Variants in MACROD2 observed in about 807,000 individuals in gnomAD.
The protein encoded by MACROD2 is ADP-ribose glycohydrolase MACROD2.
MACROD2 carries 36 observed loss-of-function variants against 70.4 expected under a neutral mutation model. That is an observed-to-expected ratio of 0.51 (90% confidence interval 0.39 to 0.68). The LOEUF (loss-of-function observed/expected upper bound fraction) is 0.68. MACROD2 is among the 30% of genes least tolerant of loss of function. The pLI, the probability that MACROD2 is intolerant of heterozygous loss-of-function variation, is 0.00. For synonymous variants in MACROD2, 172 were observed against 178.8 expected (o/e 0.96, Z 0.30); for missense variants, 496 against 538.4 (o/e 0.92, Z 0.78).
intron 8 of MACROD2, among the ~76,000 whole-genome samples, chr20:15,700,028 T>G (rs2050434194): frequency 6.6e-6 from 1 of 152,064 alleles, no homozygotes; most frequent in Non-Finnish European, 1.5e-5. Context: ...ACCTTCAGCT[T>G]CTCCAGTGGG....
rs115522814 is a variant in MACROD2, at chr20:14,307,992, G to A, written c.272-185487G>A. Reference sequence around the variant, plus strand: ...CAATTAAGGCATAAAAATTGTGAGTGTTACATATAGCTGTTCCAACTATAA... The same window carrying A: ...CAATTAAGGCATAAAAATTGTGAGTATTACATATAGCTGTTCCAACTATAA... On this transcript the variant is annotated intron_variant, in intron 3 of 17. Coordinates refer to ENST00000684519, the MANE Select transcript of MACROD2 (RefSeq NM_001351661.2). 4.7e-3 allele frequency among the ~76,000 whole-genome samples: 717 copies of A among 152,226 alleles called. 9 individuals carry two copies. The highest frequency in any genetic ancestry group is 0.016 in the African/African-American group (680 of 41,544).
At chr20:14,909,122 C>T (rs925902065) in intron 5 of MACROD2, among the ~76,000 whole-genome samples, 2 of 152,154 alleles carry the variant, frequency 1.3e-5, no homozygotes, top group Non-Finnish European at 1.5e-5. Context: ...GGTGAAAGAG[C>T]GTAAATTAAG....
At chr20:15,852,580 C>T (rs926972424) in intron 8 of MACROD2, among the ~76,000 whole-genome samples, 2 of 152,102 alleles carry the variant, frequency 1.3e-5, no homozygotes, top group African/African-American at 2.4e-5. Context: ...AATACTTTCA[C>T]GAAGAAGAAC....
chr20:14,532,280 G>T lies in MACROD2; in HGVS notation c.301+38772G>T, dbSNP rs187889586. 2.0e-5 allele frequency among the ~76,000 whole-genome samples: 3 copies of T among 148,020 alleles called. No individual in the cohort carries two copies. The East Asian group carries it at 6.0e-4, about 29-fold the overall frequency. On this transcript the variant is annotated intron_variant, in intron 4 of 17. Transcript: ENST00000684519. ...GTCACCCAGGCTGGAGTGCAATGGCGCAATCTCGGCTCACTGCAACCTCCG... is the reference window on the plus strand; with the variant it reads ...GTCACCCAGGCTGGAGTGCAATGGCTCAATCTCGGCTCACTGCAACCTCCG...
intron 3 of MACROD2, among the ~76,000 whole-genome samples, chr20:14,456,813 T>G (rs1342745209): frequency 7.1e-6 from 1 of 141,764 alleles, no homozygotes; most frequent in Non-Finnish European, 1.5e-5. Flanking sequence ...GCCTCCCGGG[T>G]TCACGCCATT....
intron 9 of MACROD2, 36 bp from the exon 10 acceptor site, chr20:15,885,728 A>G (rs975373445): frequency 3.7e-5 from 53 of 1,446,334 alleles, no homozygotes; most frequent in Non-Finnish European, 4.3e-5. Flanking sequence ...CCACTTTCAT[A>G]TAAGTATTTC....
intron 7 of MACROD2, among the ~76,000 whole-genome samples, chr20:15,434,781 A>G (rs2046407472): frequency 1.3e-5 from 2 of 152,198 alleles, no homozygotes; most frequent in Admixed American, 1.3e-4. Flanking sequence ...ATGCCCATCA[A>G]CCAATGAGTA....
intron 8 of MACROD2, among the ~76,000 whole-genome samples, chr20:15,772,101 AATATATATATAT>A (rs201468504): frequency 4.4e-5 from 4 of 91,442 alleles, no homozygotes; most frequent in South Asian, 4.0e-4. Flanking sequence ...AAAAAAAAAA[AATATATATATAT>A]ATATATATAT....
intron 8 of MACROD2, among the ~76,000 whole-genome samples, chr20:15,568,349 A>G (rs1394231982): frequency 6.6e-6 from 1 of 152,198 alleles, no homozygotes; most frequent in Non-Finnish European, 1.5e-5. Flanking sequence ...TGCATTAGTC[A>G]GTGTAGGCTA....
chr20:14,916,425 C>T (rs1468959497), intron 5 of MACROD2, among the ~76,000 whole-genome samples: 3 of 152,184 alleles, frequency 2.0e-5, no homozygotes, highest in African/African-American at 7.2e-5. Flanking sequence ...AATCCAGGCT[C>T]TGCCAGTTAC....
intron 6 of MACROD2, among the ~76,000 whole-genome samples, chr20:15,293,520 T>C (rs1436723487): frequency 6.6e-6 from 1 of 152,194 alleles, no homozygotes; most frequent in Non-Finnish European, 1.5e-5. Context: ...AAAAAGAACA[T>C]GTTGAAGCTT....
intron 6 of MACROD2, among the ~76,000 whole-genome samples, chr20:15,290,092 A>C (rs1221567444): frequency 6.6e-6 from 1 of 152,216 alleles, no homozygotes; most frequent in Non-Finnish European, 1.5e-5. Flanking sequence ...TATTATGAGA[A>C]TGAAATGAAA....
At chr20:15,814,545 T>G (rs1450181233) in intron 8 of MACROD2, among the ~76,000 whole-genome samples, 1 of 152,178 alleles carries the variant, frequency 6.6e-6, no homozygotes, top group Non-Finnish European at 1.5e-5. Context: ...CACCACTCTT[T>G]CCATGCTCCC....
intron 3 of MACROD2, among the ~76,000 whole-genome samples, chr20:14,148,366 C>T (rs530423909): frequency 1.3e-5 from 2 of 152,214 alleles, no homozygotes; most frequent in African/African-American, 4.8e-5. Context: ...TGATATCTTA[C>T]CATATTTAAT....
chr20:15,681,855 A>T (rs2050163802), intron 8 of MACROD2, among the ~76,000 whole-genome samples: 1 of 152,192 alleles, frequency 6.6e-6, no homozygotes, highest in South Asian at 2.1e-4. Flanking sequence ...CTTTTCTATT[A>T]CTAGAGATCG....
intron 3 of MACROD2, among the ~76,000 whole-genome samples, chr20:14,396,150 G>A (rs2083577583): frequency 6.6e-6 from 1 of 152,182 alleles, no homozygotes; most frequent in South Asian, 2.1e-4. Flanking sequence ...GGTCCATGGT[G>A]TTGTTTGTCT....
At chr20:15,779,748 A>C (rs961374081) in intron 8 of MACROD2, among the ~76,000 whole-genome samples, 1 of 152,166 alleles carries the variant, frequency 6.6e-6, no homozygotes, top group South Asian at 2.1e-4. Context: ...CCTTTCTGCC[A>C]GGGAAAGATA....
At chr20:15,166,113 G>C (rs1218468145) in intron 5 of MACROD2, among the ~76,000 whole-genome samples, 1 of 152,084 alleles carries the variant, frequency 6.6e-6, no homozygotes, top group Non-Finnish European at 1.5e-5. Flanking sequence ...ACTGCAAATG[G>C]GCACGGAGGA....
intron 15 of MACROD2, among the ~76,000 whole-genome samples, chr20:15,992,226 T>A (rs2066568385): frequency 6.6e-6 from 1 of 152,090 alleles, no homozygotes; most frequent in Non-Finnish European, 1.5e-5. Flanking sequence ...GCCTCTTGAG[T>A]TTGTTCAAAT....
Sources: allele counts gnomAD v4.1 joint callset (sites outside exome capture counted in the v4.1 genomes callset), GRCh38; gene constraint gnomAD v4.1.1; transcripts MANE v1.5; gene names NCBI Gene and HGNC (gene_info 2026-07-23, HGNC 2026-07-21).